Variants in RAB31 observed in about 807,000 individuals in gnomAD.
RAB31 encodes ras-related protein Rab-31.
Under a neutral mutation model 25.6 loss-of-function variants are expected in RAB31, and 21 were observed. That is an observed-to-expected ratio of 0.82 (90% CI 0.58 to 1.18). The LOEUF is 1.18. RAB31 is among the 50% of genes most tolerant of loss of function. The probability of loss-of-function intolerance (pLI) is 0.00; values close to 1 mark genes in which losing one functional copy is unlikely to be tolerated. For missense variants in RAB31, 196 were observed against 250.1 expected, an observed-to-expected ratio of 0.78 and a Z score of 1.46; for synonymous variants, 87 against 84.0, an observed-to-expected ratio of 1.04 and a Z score of -0.20.
At chr18:9,752,265 C>G (rs1345070202) in intron 1 of RAB31, among the ~76,000 whole-genome samples, 1 of 151,994 alleles carries the variant, frequency 6.6e-6, no homozygotes, top group East Asian at 1.9e-4. Flanking sequence ...TGCTCTGTTG[C>G]CCAGGCTGGA....
chr18:9,760,225 G>C (rs1157334717), intron 1 of RAB31, among the ~76,000 whole-genome samples: 2 of 151,232 alleles, frequency 1.3e-5, no homozygotes, highest in African/African-American at 4.9e-5. Flanking sequence ...CCAGGCTGGA[G>C]TGTAATGGCA....
intron 5 of RAB31, among the ~76,000 whole-genome samples, chr18:9,833,910 T>C (rs2068691717): frequency 6.6e-6 from 1 of 152,232 alleles, no homozygotes; most frequent in African/African-American, 2.4e-5. Context: ...CCATTGACTG[T>C]ATCAGATGAT....
At chr18:9,794,038 G>A (rs886258280) in intron 3 of RAB31, among the ~76,000 whole-genome samples, 3 of 152,136 alleles carry the variant, frequency 2.0e-5, no homozygotes, top group African/African-American at 7.2e-5. Context: ...GACCACAGGT[G>A]CTCACCACCA....
intron 1 of RAB31, among the ~76,000 whole-genome samples, chr18:9,752,675 T>G (rs987831352): frequency 1.3e-5 from 2 of 152,234 alleles, no homozygotes; most frequent in Non-Finnish European, 2.9e-5. Context: ...CTTCTAAAGT[T>G]TCTATTTCTG....
At chr18:9,857,330 C>T (rs2068821348) in intron 6 of RAB31, among the ~76,000 whole-genome samples, 1 of 152,086 alleles carries the variant, frequency 6.6e-6, no homozygotes, top group African/African-American at 2.4e-5. Flanking sequence ...GGAAATGCAC[C>T]TCTGCTGGGG....
At chr18:9,755,130 GAA>G (rs2068254533) in intron 1 of RAB31, among the ~76,000 whole-genome samples, 3 of 152,256 alleles carry the variant, frequency 2.0e-5, no homozygotes, top group East Asian at 1.9e-4. Context: ...TGATGCAAAT[GAA>G]AAGAGTCTAG....
At chr18:9,821,353 C>G (rs994995753) in intron 5 of RAB31, among the ~76,000 whole-genome samples, 1 of 152,062 alleles carries the variant, frequency 6.6e-6, no homozygotes, top group Non-Finnish European at 1.5e-5. Flanking sequence ...GAGAGAAAGT[C>G]TAAGGTTGAG....
chr18:9,739,805 CT>C (rs1484629564), intron 1 of RAB31, among the ~76,000 whole-genome samples: 1 of 152,234 alleles, frequency 6.6e-6, no homozygotes, highest in Admixed American at 6.5e-5. Context: ...ATGGCCACCC[CT>C]GACTGCAAGG....
chr18:9,854,012 G>A (rs1232424012), intron 6 of RAB31, among the ~76,000 whole-genome samples: 1 of 140,904 alleles, frequency 7.1e-6, no homozygotes, highest in Non-Finnish European at 1.5e-5. Context: ...TGCAGAACAT[G>A]CGGGTTTGTT....
At chr18:9,780,947 C>CAAAAT (rs2068400562) in intron 2 of RAB31, among the ~76,000 whole-genome samples, 1 of 114,230 alleles carries the variant, frequency 8.8e-6, no homozygotes. Flanking sequence ...AAAAACAAAA[C>CAAAAT]AAAACAGAAC....
intron 5 of RAB31, among the ~76,000 whole-genome samples, chr18:9,841,723 C>A (rs1052866696): frequency 1.3e-5 from 2 of 151,988 alleles, no homozygotes; most frequent in Non-Finnish European, 2.9e-5. Context: ...TTCAAAGATA[C>A]TTTTCTTGGG....
chr18:9,824,324 G>C lies in RAB31; in HGVS notation c.380+9102G>C, dbSNP rs1195501419. On this transcript the variant is annotated intron_variant, in intron 5 of 6. Coordinates refer to ENST00000578921, the MANE Select transcript of RAB31 (RefSeq NM_006868.4). The stretch of plus-strand genomic sequence containing the variant: ...TGTAGATGTGTATGTGTGTGTAGAT[G>C]TATGTGTGTATAAATGTGTGTGTAG... 2.7e-5 allele frequency among the ~76,000 whole-genome samples: 4 copies of C among 149,274 alleles called. No individual in the cohort carries two copies. The East Asian group carries it at 7.8e-4, about 29-fold the overall frequency.
intron 5 of RAB31, 137 bp from the exon 6 acceptor site, chr18:9,845,445 A>G (rs2068756418): frequency 1.1e-5 from 8 of 745,396 alleles, no homozygotes; most frequent in Non-Finnish European, 1.4e-5. Flanking sequence ...CTAGGTGTCC[A>G]TTCTTGCTGA....
intron 2 of RAB31, chr18:9,787,247 A>G (rs2068438136): frequency 4.6e-6 from 1 of 219,140 alleles, no homozygotes; most frequent in African/African-American, 2.3e-5. Flanking sequence ...GAAAGCACAC[A>G]TTAGGGAAAA....
chr18:9,835,633 C>G (rs573478634), intron 5 of RAB31, among the ~76,000 whole-genome samples: 1 of 152,328 alleles, frequency 6.6e-6, no homozygotes, highest in African/African-American at 2.4e-5. Context: ...TTTGCTGGTA[C>G]ACGGTTGTCA....
At chr18:9,801,526 C>A (rs571665567) in intron 3 of RAB31, among the ~76,000 whole-genome samples, 3 of 152,156 alleles carry the variant, frequency 2.0e-5, no homozygotes, top group South Asian at 4.1e-4. Context: ...GGTGATCCAC[C>A]GGCCTCGGCC....
rs541831400 is a variant in RAB31, at chr18:9,812,887, G to A, written c.202-1133G>A. ...TAATTTTTGTATTTTTAGTTGAGAC[G>A]GGTTTCACCATATTGGCCAGGCTGT... On this transcript the variant is annotated intron_variant, in intron 3 of 6. Coordinates refer to ENST00000578921, the MANE Select transcript of RAB31 (RefSeq NM_006868.4). 7.3e-5 allele frequency among the ~76,000 whole-genome samples: 11 copies of A among 151,476 alleles called. No homozygotes were observed. The South Asian group carries it at 1.9e-3, about 26-fold the overall frequency.
chr18:9,773,116 T>C lies in RAB31; in HGVS notation c.40-2162T>C, dbSNP rs73940025. Among the ~76,000 whole-genome samples the C allele has an allele frequency of 9.8e-3, 1,498 of 152,320 alleles. 23 individuals carry two copies. Among genetic ancestry groups the C allele is most frequent in the African/African-American group, 0.035 (1,437 of 41,566 alleles). ...GTTAGGGCTCAGGGTCAGTGCAGGC[T>C]GCTCTCCTTGGGAGGCGAGACCTTC... On this transcript the variant is annotated intron_variant, in intron 1 of 6. Transcript: ENST00000578921.
chr18:9,807,283 C>T (rs187678883), intron 3 of RAB31, among the ~76,000 whole-genome samples: 1,940 of 152,316 alleles, frequency 0.013, 39 homozygotes, highest in African/African-American at 0.044. Flanking sequence ...CTGTCCCACA[C>T]AGTGGGCTCT....
Sources: allele counts gnomAD v4.1 joint callset (sites outside exome capture counted in the v4.1 genomes callset), GRCh38; gene constraint gnomAD v4.1.1; transcripts MANE v1.5; gene names NCBI Gene and HGNC (gene_info 2026-07-23, HGNC 2026-07-21).